ZC2HC1B: variants seen among roughly 807,000 people sequenced by gnomAD.
ZC2HC1B encodes the protein zinc finger C2HC-type containing 1B.
ZC2HC1B carries 36 observed loss-of-function variants against 31.0 expected under a neutral mutation model. The ratio of observed to expected loss-of-function variants is 1.16; its 90% confidence interval spans 0.89 to 1.54. The LOEUF (loss-of-function observed/expected upper bound fraction) is 1.54, where lower values mean the gene tolerates loss of function less well. Among genes scored for constraint, ZC2HC1B ranks in the 40% most tolerant of loss-of-function variants. The probability of loss-of-function intolerance (pLI) is 0.00; values close to 1 mark genes in which losing one functional copy is unlikely to be tolerated. For synonymous variants in ZC2HC1B, 73 were observed against 88.0 expected, an observed-to-expected ratio of 0.83 and a Z score of 0.95; for missense variants, 260 against 268.6, an observed-to-expected ratio of 0.97 and a Z score of 0.22.
chr6:143,900,407 A>G (rs1349542582), intron 5 of ZC2HC1B, among the ~76,000 whole-genome samples: 1 of 149,902 alleles, frequency 6.7e-6, no homozygotes, highest in East Asian at 2.0e-4. Context: ...AAAAAAAAAG[A>G]AAAAGAAAAG....
chr6:143,893,697 T>G (rs1777628770), intron 4 of ZC2HC1B, among the ~76,000 whole-genome samples: 1 of 152,024 alleles, frequency 6.6e-6, no homozygotes, highest in South Asian at 2.1e-4. Context: ...TTTCTTTCTT[T>G]TCTTTTTGAG....
intron 1 of ZC2HC1B, among the ~76,000 whole-genome samples, chr6:143,881,218 C>A (rs1777461904): frequency 6.6e-6 from 1 of 152,040 alleles, no homozygotes; most frequent in African/African-American, 2.4e-5. Flanking sequence ...TCGTTTCACC[C>A]AGCATTGAAA....
chr6:143,873,973 C>T (rs6570584), intron 1 of ZC2HC1B, among the ~76,000 whole-genome samples: 36,212 of 152,140 alleles, frequency 0.24, 6,128 homozygotes, highest in African/African-American at 0.48. Flanking sequence ...AATGGGTTTT[C>T]CTTTTCTACT....
rs983814501 is a variant in ZC2HC1B, at chr6:143,923,685, T to G, written c.599-13964T>G. ...CTGTACTTGGATATCCAGTTTTCCC[T>G]GTACCATTATTGAAGAGGATGCCTT... On this transcript the variant is annotated intron_variant, in intron 6 of 7. Transcript: ENST00000237275. This position sits in a 1 kb window ranked among gnomAD's most constrained non-coding sequence, Gnocchi z 4.8. Among the ~76,000 whole-genome samples the G allele has an allele frequency of 6.6e-6, 1 of 152,122 alleles. No individual in the cohort carries two copies. The highest frequency in any genetic ancestry group is 2.4e-5 in the African/African-American group (1 of 41,466).
chr6:143,909,183 A>G (rs2128495825), intron 6 of ZC2HC1B, among the ~76,000 whole-genome samples: 1 of 152,130 alleles, frequency 6.6e-6, no homozygotes, highest in East Asian at 1.9e-4. Context: ...TATTTTGTTG[A>G]GGATTTTTGC....
rs1026438365 is a variant in ZC2HC1B at position 143,903,098 on chromosome 6, G to A, written c.544G>A (p.Ala182Thr). ...KEPTVTSAVGALLQNRVLVAT... is the reference protein window; with the variant it reads ...KEPTVTSAVGTLLQNRVLVAT... ...ACCAACTGTTACCAGTGCTGTGGGA[G>A]CTTTGCTGCAGAACAGGGTCCTGGT... The change falls in exon 6 of 8, where the codon GCT (alanine) becomes ACT (threonine). Residue 182 changes from alanine to threonine, a missense_variant. Coordinates refer to ENST00000237275, the MANE Select transcript of ZC2HC1B (RefSeq NM_001013623.3). This position sits in a 1 kb window ranked among gnomAD's most constrained non-coding sequence, Gnocchi z 4.3. The A allele has an allele frequency of 1.9e-6, 3 of 1,551,912 alleles. No individual in the cohort carries two copies. The African/African-American group carries it at 4.1e-5, about 21-fold the overall frequency.
In ZC2HC1B at chr6:143,886,229, C is replaced by T. The variant is rs1361325135; in HGVS notation, c.210+78C>T. Reference sequence around the variant, plus strand: ...GGCCTATTTCTGGGATTTCTGGTTTCATTTTTGCTTGATAATACAGTAATG... The same window carrying T: ...GGCCTATTTCTGGGATTTCTGGTTTTATTTTTGCTTGATAATACAGTAATG... On this transcript the variant is annotated intron_variant, in intron 3 of 7. Transcript: ENST00000237275. This position sits in a 1 kb window ranked among gnomAD's most constrained non-coding sequence, Gnocchi z 4.2. The T allele has an allele frequency of 7.4e-7, 1 of 1,355,962 alleles. No homozygotes were observed. The highest frequency in any genetic ancestry group is 1.5e-5 in the African/African-American group (1 of 66,652). 84.0% of individuals were successfully genotyped at this position (1,355,962 alleles called of 1,614,324 possible).
intron 4 of ZC2HC1B, among the ~76,000 whole-genome samples, chr6:143,896,070 C>A (rs939363130): frequency 2.0e-5 from 3 of 152,168 alleles, no homozygotes; most frequent in Non-Finnish European, 2.9e-5. Context: ...AATGCTCAGC[C>A]ACAGGACTCT....
In ZC2HC1B at chr6:143,908,917, C is replaced by T. The variant is rs947411237; in HGVS notation, c.598+5765C>T. Among the ~76,000 whole-genome samples, 2 of 152,156 alleles carry T rather than the reference C, an allele frequency of 1.3e-5. No homozygotes were observed. On this transcript the variant is annotated intron_variant, in intron 6 of 7. Transcript: ENST00000237275. The surrounding 1 kb of genome is among the most constrained non-coding windows in gnomAD (Gnocchi z 4.4). ...AGTATGATATTGGCTGTGGGTTTGT[C>T]ATATGTGACACTTATTATTTTGAAG...
chr6:143,884,647 T>A lies in ZC2HC1B; in HGVS notation c.90+282T>A, dbSNP rs925727387. Among the ~76,000 whole-genome samples, 1 of 152,156 alleles carries A rather than the reference T, an allele frequency of 6.6e-6. No homozygotes were observed. The highest frequency in any genetic ancestry group is 2.4e-5 in the African/African-American group (1 of 41,430). On this transcript the variant is annotated intron_variant, in intron 2 of 7. Transcript: ENST00000237275. The surrounding 1 kb of genome is among the most constrained non-coding windows in gnomAD (Gnocchi z 5.1). ...CTCAAGAGGTTTTGGCTCTTCCACC[T>A]TTTCTTTAAGCATCGAAAATTCAAA... is the stretch of plus-strand genomic sequence containing the variant.
chr6:143,936,308 A>G (rs1778177433), intron 6 of ZC2HC1B, among the ~76,000 whole-genome samples: 1 of 152,200 alleles, frequency 6.6e-6, no homozygotes, highest in African/African-American at 2.4e-5. Context: ...GAGGAGGTCG[A>G]TGTACTATTC....
intron 6 of ZC2HC1B, among the ~76,000 whole-genome samples, chr6:143,919,217 C>CTCTGTGTGTGTG (rs1176724266): frequency 6.5e-5 from 8 of 123,698 alleles, no homozygotes; most frequent in African/African-American, 2.3e-4. Flanking sequence ...TTGCTATTCT[C>CTCTGTGTGTGTG]TGTGTGTGTG....
rs1223164975 is a variant in ZC2HC1B at position 143,871,417 on chromosome 6, G to T, written c.28+6850G>T. Among the ~76,000 whole-genome samples, 1 of 152,240 alleles carries T rather than the reference G, an allele frequency of 6.6e-6. No homozygotes were observed. The highest frequency in any genetic ancestry group is 2.4e-5 in the African/African-American group (1 of 41,466). The stretch of plus-strand genomic sequence containing the variant: ...GCTGAAGGCAAATTGCTTCTGGTGG[G>T]CCTTACAGACAGGAATGGAGAAAAG... On this transcript the variant is annotated intron_variant, in intron 1 of 7. Coordinates refer to ENST00000237275, the MANE Select transcript of ZC2HC1B (RefSeq NM_001013623.3). This position sits in a 1 kb window ranked among gnomAD's most constrained non-coding sequence, Gnocchi z 4.1.
chr6:143,898,724 G>A, intron 5 of ZC2HC1B, 33 bp downstream of exon 5: 3 of 1,551,204 alleles, frequency 1.9e-6, no homozygotes, highest in Non-Finnish European at 1.7e-6. Context: ...TGGCTCTTGT[G>A]CCCTTGAATG....
At chr6:143,896,050 A>G (rs79073536) in intron 4 of ZC2HC1B, among the ~76,000 whole-genome samples, 2,938 of 152,332 alleles carry the variant, frequency 0.019, 115 homozygotes, top group African/African-American at 0.068. Context: ...AATAGAAATC[A>G]GCAACCTTGA....
At chr6:143,927,244 A>G (rs1196284361) in intron 6 of ZC2HC1B, among the ~76,000 whole-genome samples, 1 of 152,126 alleles carries the variant, frequency 6.6e-6, no homozygotes, top group Non-Finnish European at 1.5e-5. Context: ...TAGTGTAACC[A>G]TCACCTGAAT....
rs1413308129 is a variant in ZC2HC1B, at chr6:143,877,619, T to A, written c.29-6685T>A. Among the ~76,000 whole-genome samples the A allele has an allele frequency of 2.0e-5, 3 of 150,262 alleles. No individual in the cohort carries two copies. In the East Asian group the frequency reaches 5.8e-4, roughly 29 times the overall value. On this transcript the variant is annotated intron_variant, in intron 1 of 7. Transcript: ENST00000237275. ...ATTTCTAAGAGTTATAATTTTCCTT[T>A]AATTTTTTTTTTGTCTGTTTTGGAC...
At position 143,900,924 on chromosome 6, in the gene ZC2HC1B, C is replaced by T. The variant is rs185919612; in HGVS notation, c.490-2120C>T. On this transcript the variant is annotated intron_variant, in intron 5 of 7. Transcript: ENST00000237275. ...CACAATCTCGGCTCACTGCAACCTC[C>T]GCCTCCTGGGTTCAAGCGATTCTCC... Among the ~76,000 whole-genome samples, 623 of 152,126 alleles carry T rather than the reference C, an allele frequency of 4.1e-3. 4 individuals are homozygous for T. Among genetic ancestry groups the T allele is most frequent in the Non-Finnish European group, 7.0e-3 (477 of 67,994 alleles).
chr6:143,932,014 C>T (rs973594266), intron 6 of ZC2HC1B, among the ~76,000 whole-genome samples: 3 of 151,982 alleles, frequency 2.0e-5, no homozygotes, highest in Admixed American at 6.6e-5. Context: ...ACAGGCACTA[C>T]AGGTGTGCAC....
Sources: allele counts gnomAD v4.1 joint callset (sites outside exome capture counted in the v4.1 genomes callset), GRCh38; gene constraint gnomAD v4.1.1; non-coding constraint Gnocchi (gnomAD v3.1); transcripts MANE v1.5; gene names NCBI Gene and HGNC (gene_info 2026-07-23, HGNC 2026-07-21).